The following CHID1 variants were observed in gnomAD, a reference collection of about 807,000 sequenced individuals.
CHID1 encodes chitinase domain containing 1, also known as chitinase domain-containing protein 1.
In CHID1, 44 loss-of-function variants were observed where a neutral mutation model predicts 55.4. That is an observed-to-expected ratio of 0.79 (90% confidence interval 0.62 to 1.02). CHID1 has a LOEUF of 1.02. Ranked by LOEUF, CHID1 falls within the 50% of genes least tolerant of loss-of-function variation. The probability of loss-of-function intolerance (pLI) is 0.00; values close to 1 mark genes in which losing one functional copy is unlikely to be tolerated. For missense variants in CHID1, 491 were observed against 515.3 expected (o/e 0.95, Z 0.46); for synonymous variants, 216 against 212.9 (o/e 1.01, Z -0.13).
chr11:914,736 A>C, upstream of CHID1: 1 of 351,076 alleles, frequency 2.8e-6, no homozygotes, highest in Non-Finnish European at 5.4e-6. Context: ...AAAAAAAAAA[A>C]TTACTCACAC....
chr11:899,666 G>A (rs1292890409), intron 6 of CHID1, among the ~76,000 whole-genome samples: 1 of 152,256 alleles, frequency 6.6e-6, no homozygotes, highest in Non-Finnish European at 1.5e-5. Flanking sequence ...GGGGGTCTGG[G>A]GGCTCCCTGA....
chr11:895,368 T>C lies in CHID1; in HGVS notation c.609-1849A>G, dbSNP rs530825382. Among the ~76,000 whole-genome samples the C allele has an allele frequency of 8.9e-4, 136 of 152,262 alleles. 1 individual carries two copies. The highest frequency in any genetic ancestry group is 3.2e-3 in the African/African-American group (133 of 41,564). On this transcript the variant is annotated intron_variant, in intron 7 of 12. Coordinates refer to ENST00000323578, the MANE Select transcript of CHID1 (RefSeq NM_023947.4). ...TCCACCCACAGTCAGGCTCACGGTG[T>C]GGCCCAGAGCTGGCCTTCAAGGAGG...
At chr11:879,865 A>G (rs1182935765) in intron 10 of CHID1, among the ~76,000 whole-genome samples, 1 of 152,196 alleles carries the variant, frequency 6.6e-6, no homozygotes, top group Non-Finnish European at 1.5e-5. Flanking sequence ...AGCTCTGTAC[A>G]TGGCTCCACC....
intron 4 of CHID1, among the ~76,000 whole-genome samples, chr11:901,480 C>T (rs532502318): frequency 1.0e-3 from 155 of 152,330 alleles, no homozygotes; most frequent in Non-Finnish European, 1.8e-3. Flanking sequence ...AAACGCAAGG[C>T]GCAGCCACGT....
At chr11:910,860 C>A (rs7930239), upstream of CHID1, 7,371 of 1,078,814 alleles carry the variant, frequency 6.8e-3, 375 homozygotes, top group African/African-American at 0.12. Context: ...GGCGCCCGCG[C>A]GCCGCCGCCG....
chr11:909,363 A>C (rs1258853717), intron 1 of CHID1, among the ~76,000 whole-genome samples: 7 of 152,236 alleles, frequency 4.6e-5, no homozygotes, highest in African/African-American at 1.4e-4. Flanking sequence ...TTGTGTTATG[A>C]AGAGGCACAG....
intron 1 of CHID1, among the ~76,000 whole-genome samples, chr11:905,680 AG>A (rs1430008544): frequency 3.9e-5 from 6 of 151,926 alleles, no homozygotes; most frequent in Admixed American, 2.0e-4. Context: ...AAAAAAAAAA[AG>A]AAAAAAATCG....
At chr11:910,334 G>A (rs1453034341) in intron 1 of CHID1, among the ~76,000 whole-genome samples, 2 of 152,106 alleles carry the variant, frequency 1.3e-5, no homozygotes, top group African/African-American at 2.4e-5. Context: ...CTCCCTCTGG[G>A]GGTCCTGGGG....
intron 11 of CHID1, 123 bp from the exon 12 acceptor site, chr11:870,286 G>A (rs577512865): frequency 2.1e-6 from 3 of 1,417,040 alleles, no homozygotes; most frequent in East Asian, 2.4e-5. Context: ...GTCCAGCTGT[G>A]CTCCAGGGCC....
intron 8 of CHID1, among the ~76,000 whole-genome samples, chr11:889,006 C>T (rs1850608120): frequency 6.6e-6 from 1 of 152,220 alleles, no homozygotes. Context: ...AGGCTTTGTG[C>T]TGAGACAGGC....
upstream of CHID1, chr11:910,997 C>G (rs1003618153): frequency 1.2e-5 from 2 of 170,760 alleles, no homozygotes; most frequent in African/African-American, 2.4e-5. Flanking sequence ...ACCCCGGGCC[C>G]GGCGCGTTCA....
chr11:912,851 A>T (rs28454116), upstream of CHID1, among the ~76,000 whole-genome samples: 6 of 142,374 alleles, frequency 4.2e-5, no homozygotes. Flanking sequence ...AAAAAAAAAA[A>T]GAAAAAGAAA....
chr11:899,356 G>C lies in CHID1; in HGVS notation c.592C>G (p.Leu198Val). 1 of 1,604,134 alleles carries C rather than the reference G, an allele frequency of 6.2e-7. No individual in the cohort carries two copies. The highest frequency in any genetic ancestry group is 8.5e-7 in the Non-Finnish European group (1 of 1,175,328). ...CCCACTCACACGCGCTTCTGGCTTA[G>C]CAGCTGGTTCCAGACCTCCACCACG... Reference protein sequence around the residue: ...GFVVEVWNQLLSQKRVGLIHM... With the variant: ...GFVVEVWNQLVSQKRVGLIHM... The change falls in exon 7 of 13, where the codon CTA (leucine) becomes GTA (valine). Residue 198 changes from leucine (L) to valine (V), a missense_variant. Leu to Val is a conservative substitution (Grantham distance 32). Coordinates refer to ENST00000323578, the MANE Select transcript of CHID1 (RefSeq NM_023947.4).
In CHID1 at chr11:873,716, A is replaced by G. The variant is rs571979678; in HGVS notation, c.960-3217T>C. Among the ~76,000 whole-genome samples the G allele has an allele frequency of 6.8e-3, 1,039 of 152,296 alleles. 3 individuals are homozygous for G. Among genetic ancestry groups the G allele is most frequent in the Middle Eastern group, 0.017 (5 of 294 alleles). On this transcript the variant is annotated intron_variant, in intron 10 of 12. Transcript: ENST00000323578. ...AGGTGGGCACAAGCTAGGGCGGAGA[A>G]AGAGGGCACAGCTGCTAAAAGGCAC... is the stretch of plus-strand genomic sequence containing the variant.
Position 869,597 on chromosome 11 carries a change from C to T in CHID1, c.*261G>A, listed in dbSNP as rs992820477. On this transcript the variant is annotated 3_prime_UTR_variant, in exon 13 of 13. Coordinates refer to ENST00000323578, the MANE Select transcript of CHID1 (RefSeq NM_023947.4). ...CTGGTGGGGCAGGTACTGTGGGCCCCGCCTGCCCAGCTGACAGGAGGCAGC... is the reference window on the plus strand; with the variant it reads ...CTGGTGGGGCAGGTACTGTGGGCCCTGCCTGCCCAGCTGACAGGAGGCAGC... The T allele has an allele frequency of 1.2e-5, 7 of 572,400 alleles. No individual in the cohort carries two copies. The highest frequency in any genetic ancestry group is 3.1e-5 in the Admixed American group (1 of 32,454). 35.5% of individuals were successfully genotyped at this position (572,400 alleles called of 1,614,324 possible).
chr11:912,840 A>G (rs1389775082), upstream of CHID1, among the ~76,000 whole-genome samples: 4 of 147,808 alleles, frequency 2.7e-5, no homozygotes, highest in Non-Finnish European at 6.0e-5. Flanking sequence ...TCTGCCTCAA[A>G]AAAAAAAAAA....
Position 875,990 on chromosome 11 carries a change from G to A in CHID1, c.960-5491C>T, listed in dbSNP as rs1271775751. Among the ~76,000 whole-genome samples the A allele has an allele frequency of 6.6e-6, 1 of 152,154 alleles. No individual in the cohort carries two copies. The highest frequency in any genetic ancestry group is 1.9e-4 in the East Asian group (1 of 5,182). ...TTGCTTGGCGGTGCACGTGGTGTGT[G>A]GGGGCATGTGAGGCTGGGGGCTGTC... On this transcript the variant is annotated intron_variant, in intron 10 of 12. Transcript: ENST00000323578. This position sits in a 1 kb window ranked among gnomAD's most constrained non-coding sequence, Gnocchi z 4.7.
chr11:914,809 GCTGGCCAGTGCTC>G (rs1395757909), upstream of CHID1: 7 of 339,078 alleles, frequency 2.1e-5, 1 homozygote, highest in Non-Finnish European at 4.1e-5. Context: ...TCTTCCCCAG[GCTGGCCAGTGCTC>G]CTGGGTGGGG....
At chr11:896,370 T>C (rs1023185742) in intron 7 of CHID1, among the ~76,000 whole-genome samples, 858 of 25,116 alleles carry the variant, frequency 0.034, no homozygotes, top group Non-Finnish European at 0.037. Context: ...GCCTCCACCC[T>C]AGACACAACA....
Sources: gnomAD v4.1 joint callset for allele counts (sites outside exome capture counted in the v4.1 genomes callset) on GRCh38, gnomAD v4.1.1 for gene constraint, Gnocchi (gnomAD v3.1) non-coding constraint, MANE v1.5 for transcripts, NCBI Gene and HGNC (gene_info 2026-07-23, HGNC 2026-07-21) for gene names.